Variants in KIAA1549L observed in about 807,000 individuals in gnomAD.
The protein encoded by KIAA1549L is UPF0606 protein KIAA1549L.
In KIAA1549L, 88 loss-of-function variants were observed where a neutral mutation model predicts 160.7. The observed-to-expected ratio is 0.55, with a 90% CI of 0.46 to 0.65. The LOEUF (loss-of-function observed/expected upper bound fraction) is 0.65. KIAA1549L is among the 30% of genes least tolerant of loss of function. KIAA1549L has a pLI of 0.00. For synonymous variants in KIAA1549L, 950 were observed against 976.7 expected (o/e 0.97, Z 0.51); for missense variants, 2,258 against 2,437.5 (o/e 0.93, Z 1.55).
rs1554976830 is a variant in KIAA1549L, at chr11:33,435,818, G to GTGTATATA, written c.238+58930_238+58931insGTATATAT. Among the ~76,000 whole-genome samples the GTGTATATA allele has an allele frequency of 2.8e-3, 128 of 45,312 alleles. 5 individuals are homozygous for GTGTATATA. Among genetic ancestry groups the GTGTATATA allele is most frequent in the Admixed American group, 4.1e-3 (16 of 3,924 alleles). The allele number at this position is 45,312 out of a possible 152,430, so 29.7% of individuals were successfully genotyped here. ...TATATATATATATATATATGTGTGT[G>GTGTATATA]TATATATATATATGTATATGTATAT... On this transcript the variant is annotated intron_variant, in intron 1 of 20. Coordinates refer to ENST00000658780, the MANE Select transcript of KIAA1549L (RefSeq NM_012194.3).
At chr11:33,464,509 TGTGC>T (rs1554980359) in intron 1 of KIAA1549L, among the ~76,000 whole-genome samples, 79 of 139,862 alleles carry the variant, frequency 5.6e-4, no homozygotes, top group South Asian at 3.4e-3. Flanking sequence ...TGTGTGTGTG[TGTGC>T]GTGCGCGCAT....
chr11:33,416,242 A>G (rs1346185778), intron 1 of KIAA1549L, among the ~76,000 whole-genome samples: 1 of 152,100 alleles, frequency 6.6e-6, no homozygotes, highest in East Asian at 1.9e-4. Context: ...AGAGTTCCAT[A>G]TGGGAGTATT....
At chr11:33,590,932 T>C (rs1367553902) in intron 11 of KIAA1549L, among the ~76,000 whole-genome samples, 1 of 152,252 alleles carries the variant, frequency 6.6e-6, no homozygotes, top group Non-Finnish European at 1.5e-5. Context: ...CAGCATCCAT[T>C]GACTTAAAAT....
chr11:33,591,029 A>G (rs1850036601), intron 11 of KIAA1549L, among the ~76,000 whole-genome samples: 1 of 152,224 alleles, frequency 6.6e-6, no homozygotes, highest in Non-Finnish European at 1.5e-5. Context: ...AGCAAGTCTT[A>G]TCTGTAGAGA....
At chr11:33,656,508 C>T (rs1852069807) in intron 18 of KIAA1549L, among the ~76,000 whole-genome samples, 1 of 152,164 alleles carries the variant, frequency 6.6e-6, no homozygotes, top group South Asian at 2.1e-4. Context: ...GGCATCCACC[C>T]CAACTCTTGA....
intron 3 of KIAA1549L, 45 bp from the exon 4 acceptor site, chr11:33,547,719 G>T (rs925646353): frequency 2.4e-6 from 3 of 1,250,004 alleles, no homozygotes; most frequent in African/African-American, 3.0e-5. Context: ...GAATGATGAG[G>T]TTTGTCGCCT....
chr11:33,636,568 T>G (rs908385139), intron 16 of KIAA1549L, among the ~76,000 whole-genome samples: 3 of 152,078 alleles, frequency 2.0e-5, no homozygotes, highest in Non-Finnish European at 2.9e-5. Flanking sequence ...TGACCTCAAG[T>G]GATCCACCAG....
intron 1 of KIAA1549L, among the ~76,000 whole-genome samples, chr11:33,472,734 A>G (rs1408945773): frequency 2.6e-5 from 4 of 152,108 alleles, no homozygotes; most frequent in Admixed American, 2.6e-4. Flanking sequence ...CTCATTTTTT[A>G]TCTTAAAATT....
chr11:33,628,216 A>G lies in KIAA1549L; in HGVS notation c.5409+9554A>G, dbSNP rs867434870. 3.1e-4 allele frequency among the ~76,000 whole-genome samples: 47 copies of G among 152,260 alleles called. 1 individual carries two copies. The highest frequency in any genetic ancestry group is 9.9e-4 in the African/African-American group (41 of 41,538). ...AGCTTTACTTCCAAGTTTGTGGTCA[A>G]TTTTGGAATAGGTGTGGTGTGGTGG... On this transcript the variant is annotated intron_variant, in intron 16 of 20. Coordinates refer to ENST00000658780, the MANE Select transcript of KIAA1549L (RefSeq NM_012194.3).
chr11:33,597,875 T>C (rs1295120615), intron 12 of KIAA1549L, among the ~76,000 whole-genome samples: 1 of 152,224 alleles, frequency 6.6e-6, no homozygotes, highest in Non-Finnish European at 1.5e-5. Context: ...TACTATGTCC[T>C]AGACAACACA....
At chr11:33,402,660 A>G (rs1016976946) in intron 1 of KIAA1549L, among the ~76,000 whole-genome samples, 1 of 152,224 alleles carries the variant, frequency 6.6e-6, no homozygotes, top group Non-Finnish European at 1.5e-5. Flanking sequence ...AGGATTCCAT[A>G]TAAGGATCCA....
At chr11:33,453,909 G>C (rs1485001469) in intron 1 of KIAA1549L, among the ~76,000 whole-genome samples, 2 of 152,196 alleles carry the variant, frequency 1.3e-5, no homozygotes, top group African/African-American at 4.8e-5. Flanking sequence ...AATAGTGCCA[G>C]GCAAAGTATT....
intron 1 of KIAA1549L, among the ~76,000 whole-genome samples, chr11:33,435,613 C>T (rs1851336275): frequency 6.6e-6 from 1 of 150,768 alleles, no homozygotes; most frequent in South Asian, 2.1e-4. Flanking sequence ...GACTGATATG[C>T]TAAATGTCTA....
Position 33,462,299 on chromosome 11 carries a change from T to G in KIAA1549L, c.239-79503T>G, listed in dbSNP as rs188223851. ...GTAGACCATGAAAAGGTTACATTCA[T>G]GGACTACATGAACTTAGCCATGGAA... On this transcript the variant is annotated intron_variant, in intron 1 of 20. Coordinates refer to ENST00000658780, the MANE Select transcript of KIAA1549L (RefSeq NM_012194.3). Among the ~76,000 whole-genome samples, 577 of 152,366 alleles carry G rather than the reference T, an allele frequency of 3.8e-3. 4 individuals are homozygous for G. The highest frequency in any genetic ancestry group is 5.1e-3 in the Non-Finnish European group (350 of 68,030).
intron 10 of KIAA1549L, among the ~76,000 whole-genome samples, chr11:33,579,156 C>T (rs1373556899): frequency 6.6e-6 from 1 of 152,158 alleles, no homozygotes; most frequent in South Asian, 2.1e-4. Context: ...ATTTTCCCCA[C>T]CTGTAAAATG....
At chr11:33,420,091 T>G (rs1045173773) in intron 1 of KIAA1549L, among the ~76,000 whole-genome samples, 10 of 152,168 alleles carry the variant, frequency 6.6e-5, no homozygotes, top group Non-Finnish European at 1.2e-4. Context: ...GTATATCATC[T>G]GACACTATTT....
In KIAA1549L at chr11:33,542,326, T is replaced by C. The variant is rs1854046482; in HGVS notation, c.763T>C (p.Ser255Pro). The C allele has an allele frequency of 1.9e-5, 13 of 698,098 alleles. 1 individual carries two copies. The South Asian group carries it at 2.2e-4, about 12-fold the overall frequency. 43.2% of individuals were successfully genotyped at this position (698,098 alleles called of 1,614,324 possible). A position where few individuals can be genotyped will look rare whatever the true frequency, so the allele number is the denominator to read the frequency against. Residue 255 changes from serine to proline, a missense_variant, in exon 2 of 21, where the codon TCA becomes CCA. Transcript: ENST00000658780. ...TCCATCCTCTTCATTGGCTCCTGAC[T>C]CACCTCATTCCATCATCTCTGAGCC... ...LPPSSSLAPD[S>P]PHSIISEPAE...
chr11:33,430,722 T>G (rs1851220402), intron 1 of KIAA1549L, among the ~76,000 whole-genome samples: 1 of 152,226 alleles, frequency 6.6e-6, no homozygotes, highest in South Asian at 2.1e-4. Context: ...GGTCATGTTC[T>G]AGGACCAAAC....
intron 1 of KIAA1549L, among the ~76,000 whole-genome samples, chr11:33,427,106 T>C (rs987133925): frequency 1.3e-5 from 2 of 152,304 alleles, no homozygotes; most frequent in South Asian, 4.1e-4. Context: ...CTCATCAGTT[T>C]ATACCATGAA....
Sources: allele counts gnomAD v4.1 joint callset (sites outside exome capture counted in the v4.1 genomes callset), GRCh38; gene constraint gnomAD v4.1.1; transcripts MANE v1.5; gene names NCBI Gene and HGNC (gene_info 2026-07-23, HGNC 2026-07-21).